ART1: variants seen among roughly 807,000 people sequenced by gnomAD.
ART1 encodes the protein ADP-ribosyltransferase 1.
Under a neutral mutation model 27.0 loss-of-function variants are expected in ART1, and 29 were observed. That is an observed-to-expected ratio of 1.08 (90% CI 0.80 to 1.47). ART1 has a LOEUF of 1.47. Among genes scored for constraint, ART1 ranks in the 40% most tolerant of loss-of-function variants. The probability of loss-of-function intolerance (pLI) is 0.00; values close to 1 mark genes in which losing one functional copy is unlikely to be tolerated. For synonymous variants in ART1, 201 were observed against 172.2 expected (o/e 1.17, Z -1.31); for missense variants, 480 against 423.0 (o/e 1.13, Z -1.18).
chr11:3,664,304 G>A lies in ART1; in HGVS notation c.*115G>A. The A allele has an allele frequency of 2.0e-6, 2 of 1,021,162 alleles. No individual in the cohort carries two copies. Among genetic ancestry groups the A allele is most frequent in the Non-Finnish European group, 2.9e-6 (2 of 680,674 alleles). The allele number at this position is 1,021,162 out of a possible 1,614,324, so 63.3% of individuals were successfully genotyped here. ...TCAATCCCATCTGCAGGGAACTCTG[G>A]GACCTTCTCTGGTAGCTGCCAGACC... On this transcript the variant is annotated 3_prime_UTR_variant, in exon 5 of 5. Transcript: ENST00000250693.
chr11:3,652,727 T>G (rs2077534806), intron 1 of ART1, among the ~76,000 whole-genome samples: 1 of 151,600 alleles, frequency 6.6e-6, no homozygotes, highest in South Asian at 2.1e-4. Context: ...TACTCATACA[T>G]GTCCTGCTCT....
At chr11:3,646,796 C>T (rs75893949) in intron 1 of ART1, among the ~76,000 whole-genome samples, 2 of 152,278 alleles carry the variant, frequency 1.3e-5, no homozygotes, top group South Asian at 2.1e-4. Flanking sequence ...CCAAAGTGAA[C>T]TCACCATTTC....
chr11:3,652,558 T>G (rs1307017561), intron 1 of ART1, among the ~76,000 whole-genome samples: 1 of 152,170 alleles, frequency 6.6e-6, no homozygotes, highest in Non-Finnish European at 1.5e-5. Flanking sequence ...GTCCTCAGAA[T>G]GCTACAAGAT....
intron 1 of ART1, among the ~76,000 whole-genome samples, chr11:3,654,954 A>T (rs990029567): frequency 1.3e-5 from 2 of 152,352 alleles, no homozygotes; most frequent in Middle Eastern, 3.4e-3. Context: ...ACAATGAGAG[A>T]TACAGCTGGC....
intron 1 of ART1, among the ~76,000 whole-genome samples, chr11:3,647,004 C>T (rs72844335): frequency 6.6e-6 from 1 of 151,888 alleles, no homozygotes; most frequent in African/African-American, 2.4e-5. Context: ...ACATGAAAAC[C>T]AAAAACAAAA....
chr11:3,645,998 G>C (rs372390783), intron 1 of ART1, among the ~76,000 whole-genome samples: 7 of 152,156 alleles, frequency 4.6e-5, no homozygotes, highest in African/African-American at 1.7e-4. Flanking sequence ...AGGGTGCAGA[G>C]GGCCAGGATA....
rs2077600604 is a variant in ART1, at chr11:3,659,575, C to T, written c.64-8C>T. 1.3e-6 allele frequency: 2 copies of T among 1,585,516 alleles called. No homozygotes were observed. Among genetic ancestry groups the T allele is most frequent in the South Asian group, 1.2e-5 (1 of 86,286 alleles). On this transcript the variant is annotated splice_region_variant and splice_polypyrimidine_tract_variant and intron_variant, in intron 2 of 4. Transcript: ENST00000250693. ...TCCTCTCAGTCCCTGCTACTCCTGT[C>T]CCCTCAGGCCCAGAGCCACCCCATC...
At chr11:3,655,537 G>A (rs2133957602) in intron 1 of ART1, 1 of 152,364 alleles carries the variant, frequency 6.6e-6, no homozygotes, top group East Asian at 1.9e-4. Context: ...TTCAGAGACA[G>A]AAAAATGTGA....
rs1336365611 is a variant in ART1 at position 3,664,380 on chromosome 11, T to C, written c.*191T>C. 1 of 580,200 alleles carries C rather than the reference T, an allele frequency of 1.7e-6. No homozygotes were observed. Among genetic ancestry groups the C allele is most frequent in the African/African-American group, 1.9e-5 (1 of 53,228 alleles). 35.9% of individuals were successfully genotyped at this position (580,200 alleles called of 1,614,324 possible). On this transcript the variant is annotated 3_prime_UTR_variant, in exon 5 of 5. Coordinates refer to ENST00000250693, the MANE Select transcript of ART1 (RefSeq NM_004314.3). ...CTGGGGACTGAACCTTACCCAGGGC[T>C]GTAGGAGTGAGACTCTGAATAAAGG...
intron 1 of ART1, among the ~76,000 whole-genome samples, chr11:3,648,294 C>A (rs958319855): frequency 1.3e-5 from 2 of 152,218 alleles, no homozygotes; most frequent in Non-Finnish European, 2.9e-5. Context: ...TGTCTTCACA[C>A]GGACGCGCAT....
intron 1 of ART1, among the ~76,000 whole-genome samples, chr11:3,650,061 C>G (rs922774686): frequency 1.3e-5 from 2 of 152,182 alleles, no homozygotes; most frequent in African/African-American, 4.8e-5. Flanking sequence ...ATAGAGGCAG[C>G]CAAGTAGCAA....
intron 1 of ART1, among the ~76,000 whole-genome samples, chr11:3,650,971 T>A (rs57032385): frequency 6.8e-6 from 1 of 147,294 alleles, no homozygotes; most frequent in Non-Finnish European, 1.5e-5. Flanking sequence ...AGCCTGTTAT[T>A]ACTTGCCTGT....
intron 1 of ART1, among the ~76,000 whole-genome samples, chr11:3,651,525 C>A (rs1324606451): frequency 6.8e-6 from 1 of 146,508 alleles, no homozygotes; most frequent in African/African-American, 2.7e-5. Flanking sequence ...CATCCTATAG[C>A]CTTTCTGTCC....
At chr11:3,663,836 A>C in intron 4 of ART1, 1 of 380,658 alleles carries the variant, frequency 2.6e-6, no homozygotes, top group Non-Finnish European at 4.7e-6. Flanking sequence ...CAAATTTAGC[A>C]GTGGGGGGAC....
intron 4 of ART1, among the ~76,000 whole-genome samples, chr11:3,663,260 A>G (rs1464728894): frequency 1.3e-5 from 2 of 152,196 alleles, no homozygotes; most frequent in African/African-American, 4.8e-5. Flanking sequence ...GCTCAAGGTG[A>G]CAATGAGTTT....
chr11:3,655,464 C>T (rs1004229581), intron 1 of ART1: 12 of 152,232 alleles, frequency 7.9e-5, no homozygotes, highest in African/African-American at 2.4e-4. Flanking sequence ...AATATTAAAT[C>T]CCTTACACTT....
intron 1 of ART1, among the ~76,000 whole-genome samples, chr11:3,651,394 C>T (rs2077520777): frequency 6.7e-6 from 1 of 150,270 alleles, no homozygotes; most frequent in East Asian, 1.9e-4. Flanking sequence ...TAAAAACACA[C>T]GTGCTCTCCC....
intron 1 of ART1, among the ~76,000 whole-genome samples, chr11:3,652,673 C>T (rs1050933413): frequency 1.3e-5 from 2 of 151,900 alleles, no homozygotes; most frequent in Non-Finnish European, 2.9e-5. Flanking sequence ...CTTGTCATCC[C>T]TACTATCTTC....
chr11:3,659,439 C>G, intron 2 of ART1, 144 bp from the exon 3 acceptor site: 1 of 1,348,912 alleles, frequency 7.4e-7, no homozygotes, highest in East Asian at 2.4e-5. Flanking sequence ...GGGGAAATTA[C>G]AGCCAGAGGT....
Sources: allele counts gnomAD v4.1 joint callset (sites outside exome capture counted in the v4.1 genomes callset), GRCh38; gene constraint gnomAD v4.1.1; transcripts MANE v1.5; gene names NCBI Gene and HGNC (gene_info 2026-07-23, HGNC 2026-07-21).